Variants in RANBP2 observed in about 807,000 individuals in gnomAD.
The protein encoded by RANBP2 is E3 SUMO-protein ligase RanBP2.
A neutral mutation model predicts 303.6 loss-of-function variants in RANBP2; 57 were observed. That is an observed-to-expected ratio of 0.19 (90% confidence interval 0.15 to 0.23). The LOEUF (loss-of-function observed/expected upper bound fraction) is 0.23, where lower values mean the gene tolerates loss of function less well. Ranked by LOEUF, RANBP2 falls within the 10% of genes least tolerant of loss-of-function variation. The pLI, the probability that RANBP2 is intolerant of heterozygous loss-of-function variation, is 1.00. For synonymous variants in RANBP2, 1,167 were observed against 1,301.5 expected (o/e 0.90, Z 2.23); for missense variants, 3,138 against 3,780.8 (o/e 0.83, Z 4.46).
At chr2:109,199,617 TGGAA>T in the RANBP2 span, among the ~76,000 whole-genome samples, 2 of 258 alleles carry the variant, frequency 7.8e-3, 1 homozygote, top group African/African-American at 0.024. Flanking sequence ...TGGAATGGAA[TGGAA>T]TGGAATGGAA....
downstream of RANBP2, chr2:108,788,844 G>T (rs1455003321): frequency 6.2e-7 from 1 of 1,613,806 alleles, no homozygotes; most frequent in Non-Finnish European, 8.5e-7. Flanking sequence ...TTTCTTTGTC[G>T]TTGACAGGTG....
the RANBP2 span, among the ~76,000 whole-genome samples, chr2:108,834,439 A>G: frequency 6.6e-6 from 1 of 151,326 alleles, no homozygotes; most frequent in African/African-American, 2.4e-5. Flanking sequence ...GGTATTGAAC[A>G]GCTGACCTTA....
chr2:109,074,758 C>A, the RANBP2 span, among the ~76,000 whole-genome samples: 2 of 148,554 alleles, frequency 1.3e-5, no homozygotes, highest in African/African-American at 4.9e-5. Flanking sequence ...TGGCCAGGTT[C>A]ATGCCTGTAA....
the RANBP2 span, among the ~76,000 whole-genome samples, chr2:109,016,728 C>T: frequency 2.0e-5 from 3 of 152,210 alleles, no homozygotes; most frequent in African/African-American, 7.2e-5. Flanking sequence ...GGCTCCCAGC[C>T]AGGCGACGCC....
chr2:109,772,978 G>A, the RANBP2 span, among the ~76,000 whole-genome samples: 6,965 of 139,602 alleles, frequency 0.05, 2 homozygotes, highest in African/African-American at 0.14. Flanking sequence ...AGCAAGCTGA[G>A]TGGGGAAAGA....
Position 108,768,350 on chromosome 2 carries a change from A to G in RANBP2, c.7811A>G (p.Glu2604Gly). 1 of 1,611,938 alleles carries G rather than the reference A, an allele frequency of 6.2e-7. No homozygotes were observed. Among genetic ancestry groups the G allele is most frequent in the Non-Finnish European group, 8.5e-7 (1 of 1,179,868 alleles). Residue 2604 changes from glutamate (E) to glycine (G), a missense_variant, in exon 20 of 29, where the codon GAA becomes GGA. Glu to Gly is a moderately conservative substitution (Grantham distance 98). Coordinates refer to ENST00000283195, the MANE Select transcript of RANBP2 (RefSeq NM_006267.5). ...CTCTTTGCTTCCTTTCCAACGGAAGAATCTTCAATCAACTACACATTTAAA... is the reference window on the plus strand; with the variant it reads ...CTCTTTGCTTCCTTTCCAACGGAAGGATCTTCAATCAACTACACATTTAAA... ...KNLFASFPTEESSINYTFKTP... is the reference protein window; with the variant it reads ...KNLFASFPTEGSSINYTFKTP...
chr2:109,069,360 A>AAAGGCATATGGTAGTAGATGCAATC, the RANBP2 span, among the ~76,000 whole-genome samples: 3 of 152,262 alleles, frequency 2.0e-5, no homozygotes, highest in Non-Finnish European at 2.9e-5. Flanking sequence ...TGAAACATCA[A>AAAGGCATATGGTAGTAGATGCAATC]AAGGCATATG....
the RANBP2 span, among the ~76,000 whole-genome samples, chr2:109,083,754 C>G: frequency 6.6e-6 from 1 of 152,178 alleles, no homozygotes; most frequent in East Asian, 1.9e-4. Context: ...GCTGCACCCT[C>G]TTACATTCCC....
At chr2:109,017,649 AATTT>A in the RANBP2 span, among the ~76,000 whole-genome samples, 4 of 151,984 alleles carry the variant, frequency 2.6e-5, no homozygotes, top group African/African-American at 9.7e-5. Context: ...TTTTTGTAAC[AATTT>A]ATTTATTTTG....
the RANBP2 span, among the ~76,000 whole-genome samples, chr2:109,601,769 A>T: frequency 6.6e-6 from 1 of 152,056 alleles, no homozygotes; most frequent in Non-Finnish European, 1.5e-5. Context: ...TGAAGTTAAA[A>T]AAAAAAAAAG....
the RANBP2 span, among the ~76,000 whole-genome samples, chr2:109,683,304 C>A: frequency 1.3e-5 from 2 of 152,162 alleles, no homozygotes; most frequent in Admixed American, 6.5e-5. Context: ...CTGTGCCCAG[C>A]CTAGAAGTAG....
chr2:109,335,496 G>A, the RANBP2 span, among the ~76,000 whole-genome samples: 2 of 152,090 alleles, frequency 1.3e-5, no homozygotes, highest in Admixed American at 6.5e-5. Context: ...GCTCATCCAC[G>A]TGTCCCTCAG....
chr2:108,989,825 A>G, the RANBP2 span, among the ~76,000 whole-genome samples: 2,136 of 142,856 alleles, frequency 0.015, 42 homozygotes, highest in African/African-American at 0.037. Context: ...TGGGGGGGGG[A>G]AAACAGCCTT....
chr2:109,317,534 G>A, the RANBP2 span, among the ~76,000 whole-genome samples: 1 of 152,118 alleles, frequency 6.6e-6, no homozygotes, highest in Admixed American at 6.5e-5. Context: ...TTGGTTCTAG[G>A]TCTCGTTCTG....
At chr2:109,234,960 C>T in the RANBP2 span, among the ~76,000 whole-genome samples, 2 of 152,186 alleles carry the variant, frequency 1.3e-5, no homozygotes, top group Non-Finnish European at 2.9e-5. Context: ...ACCTCAGCAC[C>T]TGTTGTCACC....
the RANBP2 span, among the ~76,000 whole-genome samples, chr2:109,470,027 C>G: frequency 6.6e-6 from 1 of 152,190 alleles, no homozygotes; most frequent in Admixed American, 6.5e-5. Context: ...TCATTTCACT[C>G]TTCGTGCGTC....
At chr2:109,564,115 G>A in the RANBP2 span, 2 of 363,830 alleles carry the variant, frequency 5.5e-6, 1 homozygote, top group Non-Finnish European at 9.7e-6. Flanking sequence ...TGAAACAGGG[G>A]GCCTCTGCCA....
chr2:108,726,523 C>G (rs1288442297), intron 1 of RANBP2, among the ~76,000 whole-genome samples: 14 of 151,168 alleles, frequency 9.3e-5, no homozygotes, highest in Middle Eastern at 3.4e-3. Flanking sequence ...GGTGCTGCTG[C>G]TTTGGTTCCT....
the RANBP2 span, among the ~76,000 whole-genome samples, chr2:109,243,074 A>C: frequency 3.3e-5 from 5 of 152,232 alleles, no homozygotes; most frequent in Non-Finnish European, 5.9e-5. Flanking sequence ...GGCTGTTCAT[A>C]TTCCTGTAGC....
Sources: gnomAD v4.1 joint callset for allele counts (sites outside exome capture counted in the v4.1 genomes callset) on GRCh38, gnomAD v4.1.1 for gene constraint, MANE v1.5 for transcripts, NCBI Gene and HGNC (gene_info 2026-07-23, HGNC 2026-07-21) for gene names.